Variants in NME7 observed in about 807,000 individuals in gnomAD.
The protein encoded by NME7 is NME/NM23 family member 7.
Under a neutral mutation model 49.1 loss-of-function variants are expected in NME7, and 41 were observed. The ratio of observed to expected loss-of-function variants is 0.83; its 90% CI spans 0.65 to 1.08. The LOEUF (loss-of-function observed/expected upper bound fraction) is 1.08. NME7 is among the 50% of genes least tolerant of loss of function. The pLI, the probability that NME7 is intolerant of heterozygous loss-of-function variation, is 0.00. For synonymous variants in NME7, 139 were observed against 150.6 expected, an observed-to-expected ratio of 0.92 and a Z score of 0.56; for missense variants, 423 against 463.4, an observed-to-expected ratio of 0.91 and a Z score of 0.80.
chr1:169,135,050 C>T (rs150660778), intron 11 of NME7, among the ~76,000 whole-genome samples: 4 of 132,430 alleles, frequency 3.0e-5, no homozygotes, highest in Non-Finnish European at 6.4e-5. Context: ...AATAGCCGAG[C>T]ATGGTGGTAC....
chr1:169,226,608 A>G (rs1451403728), intron 10 of NME7, among the ~76,000 whole-genome samples: 1 of 152,206 alleles, frequency 6.6e-6, no homozygotes, highest in Non-Finnish European at 1.5e-5. Flanking sequence ...ACAGAATGTA[A>G]CTCAGGAGTC....
At position 169,257,795 on chromosome 1, in the gene NME7, A is replaced by C. The variant is rs150029890; in HGVS notation, c.755-20108T>G. The stretch of plus-strand genomic sequence containing the variant: ...TAATTCTCCTTCATTTACAAAACTT[A>C]GTTTTGTTCTGGATACAAAATTCTT... On this transcript the variant is annotated intron_variant, in intron 7 of 11. Transcript: ENST00000367811. Among the ~76,000 whole-genome samples the C allele has an allele frequency of 6.1e-3, 820 of 134,156 alleles. 196 individuals are homozygous for C. Among genetic ancestry groups the C allele is most frequent in the Middle Eastern group, 0.019 (5 of 262 alleles). The allele number at this position is 134,156 out of a possible 152,430, so 88.0% of individuals were successfully genotyped here.
At chr1:169,208,744 G>T (rs1284927497) in intron 10 of NME7, among the ~76,000 whole-genome samples, 1 of 152,070 alleles carries the variant, frequency 6.6e-6, no homozygotes, top group African/African-American at 2.4e-5. Context: ...AGTAAATTAT[G>T]TTAATTAATT....
At chr1:169,200,847 C>T (rs74388171) in intron 10 of NME7, among the ~76,000 whole-genome samples, 47 of 152,304 alleles carry the variant, frequency 3.1e-4, no homozygotes, top group Non-Finnish European at 5.6e-4. Flanking sequence ...TGTGCACTGT[C>T]CTCTTGGGGA....
At chr1:169,133,430 T>C (rs1357412469) in intron 11 of NME7, among the ~76,000 whole-genome samples, 5 of 152,202 alleles carry the variant, frequency 3.3e-5, no homozygotes, top group Admixed American at 2.6e-4. Context: ...TCAGGGGTGC[T>C]GCCCTCTTAC....
intron 1 of NME7, among the ~76,000 whole-genome samples, chr1:169,344,108 T>C (rs990521736): frequency 6.6e-6 from 1 of 152,218 alleles, no homozygotes; most frequent in African/African-American, 2.4e-5. Context: ...TAGTTTTCAG[T>C]GTACAATTCT....
chr1:169,352,173 A>C (rs1203160176), intron 1 of NME7, among the ~76,000 whole-genome samples: 1 of 152,048 alleles, frequency 6.6e-6, no homozygotes, highest in Admixed American at 6.6e-5. Context: ...TTGATGCAGA[A>C]ATCTTCAAAA....
At chr1:169,303,226 G>C in intron 4 of NME7, 31 bp from the exon 5 acceptor site, 1 of 1,206,248 alleles carries the variant, frequency 8.3e-7, no homozygotes. Flanking sequence ...CAATAGTTAA[G>C]AATTATAAAA....
chr1:169,295,370 G>A (rs1650669945), intron 6 of NME7, among the ~76,000 whole-genome samples: 1 of 152,048 alleles, frequency 6.6e-6, no homozygotes, highest in Non-Finnish European at 1.5e-5. Flanking sequence ...GGCATAAGGT[G>A]GTAATAGGGT....
At chr1:169,318,580 G>T (rs1010057954) in intron 3 of NME7, among the ~76,000 whole-genome samples, 2 of 152,174 alleles carry the variant, frequency 1.3e-5, no homozygotes, top group East Asian at 3.8e-4. Context: ...CAATGAAAGA[G>T]AATTAATTTA....
chr1:169,217,688 G>A (rs1240878331), intron 10 of NME7, among the ~76,000 whole-genome samples: 1 of 152,046 alleles, frequency 6.6e-6, no homozygotes, highest in Admixed American at 6.6e-5. Flanking sequence ...AGTCATATAA[G>A]AAAAACGTCA....
chr1:169,175,856 C>T lies in NME7; in HGVS notation c.991-6302G>A, dbSNP rs117026301. Among the ~76,000 whole-genome samples, 45 of 152,188 alleles carry T rather than the reference C, an allele frequency of 3.0e-4. 1 individual carries two copies. In the East Asian group the frequency reaches 8.1e-3, roughly 27 times the overall value. ...TAGTAACCCTAAAACAGCTGTGAAA[C>T]AATGTTACAATCATTGTCCTCCTTT... On this transcript the variant is annotated intron_variant, in intron 10 of 11. Coordinates refer to ENST00000367811, the MANE Select transcript of NME7 (RefSeq NM_013330.5).
At chr1:169,162,459 C>G (rs1659278331) in intron 11 of NME7, among the ~76,000 whole-genome samples, 1 of 151,448 alleles carries the variant, frequency 6.6e-6, no homozygotes, top group African/African-American at 2.4e-5. Flanking sequence ...CTATACATAA[C>G]TGTCTCCTGA....
chr1:169,316,454 C>G (rs552686584), intron 3 of NME7, among the ~76,000 whole-genome samples: 1 of 152,206 alleles, frequency 6.6e-6, no homozygotes, highest in African/African-American at 2.4e-5. Context: ...AATAACACTA[C>G]CCCTCAAAAA....
chr1:169,230,877 T>A (rs936385745), intron 9 of NME7, 58 bp from the exon 10 acceptor site: 3 of 1,154,014 alleles, frequency 2.6e-6, no homozygotes, highest in Non-Finnish European at 3.7e-6. Context: ...CTCTCCCCTT[T>A]TAATTGTTTC....
At chr1:169,362,773 A>G (rs983579619) in intron 1 of NME7, among the ~76,000 whole-genome samples, 4 of 152,210 alleles carry the variant, frequency 2.6e-5, no homozygotes, top group Non-Finnish European at 5.9e-5. Context: ...GATGGCAAAT[A>G]TGGAGGAGAG....
At chr1:169,185,303 C>T (rs1479026470) in intron 10 of NME7, among the ~76,000 whole-genome samples, 1 of 152,180 alleles carries the variant, frequency 6.6e-6, no homozygotes, top group Non-Finnish European at 1.5e-5. Context: ...CCTTCATACA[C>T]TTCTACATGA....
chr1:169,142,105 G>C (rs1658612621), intron 11 of NME7, among the ~76,000 whole-genome samples: 1 of 152,194 alleles, frequency 6.6e-6, no homozygotes, highest in African/African-American at 2.4e-5. Flanking sequence ...TCTGTGCCCA[G>C]AATCACTATA....
chr1:169,312,353 G>A (rs913837747), intron 3 of NME7, among the ~76,000 whole-genome samples: 2 of 152,166 alleles, frequency 1.3e-5, no homozygotes, highest in African/African-American at 2.4e-5. Flanking sequence ...TGCAAGTCAC[G>A]TGGTCAAGCT....
Sources: allele counts gnomAD v4.1 joint callset (sites outside exome capture counted in the v4.1 genomes callset), GRCh38; gene constraint gnomAD v4.1.1; transcripts MANE v1.5; gene names NCBI Gene and HGNC (gene_info 2026-07-23, HGNC 2026-07-21).